ANKS1B: variants seen among roughly 807,000 people sequenced by gnomAD.
ANKS1B encodes ankyrin repeat and sterile alpha motif domain-containing protein 1B.
In ANKS1B, 36 loss-of-function variants were observed where a neutral mutation model predicts 148.3. The observed-to-expected ratio is 0.24, with a 90% CI of 0.19 to 0.32. ANKS1B has a LOEUF of 0.32. Ranked by LOEUF, ANKS1B falls within the 10% of genes least tolerant of loss-of-function variation. The pLI, the probability that ANKS1B is intolerant of heterozygous loss-of-function variation, is 1.00. For synonymous variants in ANKS1B, 542 were observed against 560.8 expected, an observed-to-expected ratio of 0.97 and a Z score of 0.47; for missense variants, 1,157 against 1,542.6, an observed-to-expected ratio of 0.75 and a Z score of 4.19.
At position 99,580,356 on chromosome 12, in the gene ANKS1B, GA is replaced by G. The variant is rs998789789; in HGVS notation, c.1272+74710del. On this transcript the variant is annotated intron_variant, in intron 9 of 26. Coordinates refer to ENST00000683438, the MANE Select transcript of ANKS1B (RefSeq NM_001352186.2). ...ACCCCTGAACCTAAAAGTTGAAAGA[GA>G]AAAAAAATTAAAAATTAAAATTAAT... Among the ~76,000 whole-genome samples, 297 of 151,264 alleles carry G rather than the reference GA, an allele frequency of 2.0e-3. 1 individual carries two copies. Among genetic ancestry groups the G allele is most frequent in the African/African-American group, 7.0e-3 (288 of 41,232 alleles).
At chr12:99,960,177 G>T (rs1029187993) in intron 1 of ANKS1B, among the ~76,000 whole-genome samples, 7 of 152,310 alleles carry the variant, frequency 4.6e-5, no homozygotes, top group Admixed American at 1.3e-4. Flanking sequence ...TTTCAAAGAC[G>T]TAGATTAAAA....
intron 2 of ANKS1B, among the ~76,000 whole-genome samples, chr12:99,822,793 G>C (rs2082673682): frequency 6.6e-6 from 1 of 151,990 alleles, no homozygotes; most frequent in Non-Finnish European, 1.5e-5. Flanking sequence ...ACTTTCTTTT[G>C]GATTTATACC....
intron 9 of ANKS1B, among the ~76,000 whole-genome samples, chr12:99,556,159 G>A (rs950536724): frequency 4.6e-5 from 7 of 152,144 alleles, no homozygotes; most frequent in African/African-American, 1.7e-4. Context: ...TCAATCTTGG[G>A]AAGTTGCATG....
At chr12:99,237,661 A>G (rs921687456) in intron 14 of ANKS1B, among the ~76,000 whole-genome samples, 1 of 152,256 alleles carries the variant, frequency 6.6e-6, no homozygotes, top group Non-Finnish European at 1.5e-5. Flanking sequence ...CACTTTGGTC[A>G]GGTGAATGTT....
intron 1 of ANKS1B, among the ~76,000 whole-genome samples, chr12:99,865,199 T>A (rs2090566539): frequency 6.6e-6 from 1 of 152,224 alleles, no homozygotes; most frequent in Admixed American, 6.5e-5. Context: ...AACTGAAATA[T>A]GTTTTCCACT....
intron 14 of ANKS1B, among the ~76,000 whole-genome samples, chr12:99,159,501 A>C (rs982679622): frequency 2.0e-5 from 3 of 152,148 alleles, no homozygotes; most frequent in Non-Finnish European, 4.4e-5. Context: ...TTCCTGCATT[A>C]ATTTCCTTAG....
chr12:99,540,722 C>T (rs1255959207), intron 9 of ANKS1B, among the ~76,000 whole-genome samples: 1 of 151,460 alleles, frequency 6.6e-6, no homozygotes, highest in African/African-American at 2.4e-5. Flanking sequence ...TCAATTATAA[C>T]CTTTAGTATT....
chr12:99,198,987 G>A (rs187460847), intron 14 of ANKS1B, among the ~76,000 whole-genome samples: 11 of 152,218 alleles, frequency 7.2e-5, no homozygotes, highest in Admixed American at 3.9e-4. Context: ...GAGGACACTC[G>A]AGCGGTCCTG....
chr12:98,885,848 T>A (rs1471968382), intron 17 of ANKS1B, among the ~76,000 whole-genome samples: 3 of 152,040 alleles, frequency 2.0e-5, no homozygotes, highest in African/African-American at 7.3e-5. Flanking sequence ...ATCCAAGCAA[T>A]AAAACATAGC....
chr12:99,046,405 A>C (rs2099962351), intron 17 of ANKS1B, among the ~76,000 whole-genome samples: 1 of 152,230 alleles, frequency 6.6e-6, no homozygotes, highest in Non-Finnish European at 1.5e-5. Flanking sequence ...AGGTGTTACA[A>C]TTAGAAGACA....
intron 1 of ANKS1B, among the ~76,000 whole-genome samples, chr12:99,863,832 G>A (rs936907834): frequency 2.0e-5 from 3 of 152,272 alleles, no homozygotes; most frequent in African/African-American, 7.2e-5. Flanking sequence ...AGCACTTTGG[G>A]ATGCCGAGGC....
chr12:99,007,266 G>C (rs1180416853), intron 17 of ANKS1B, among the ~76,000 whole-genome samples: 1 of 152,210 alleles, frequency 6.6e-6, no homozygotes, highest in Non-Finnish European at 1.5e-5. Flanking sequence ...CACAGAACTT[G>C]AGAAACTATA....
chr12:99,938,117 C>T (rs2153813847), intron 1 of ANKS1B, among the ~76,000 whole-genome samples: 1 of 152,264 alleles, frequency 6.6e-6, no homozygotes, highest in South Asian at 2.1e-4. Flanking sequence ...GATACATGTA[C>T]ATGACTATGT....
At chr12:99,864,668 T>C (rs964979202) in intron 1 of ANKS1B, among the ~76,000 whole-genome samples, 1 of 152,196 alleles carries the variant, frequency 6.6e-6, no homozygotes, top group African/African-American at 2.4e-5. Flanking sequence ...GCTGTCTGAT[T>C]TGGGGCAAGC....
chr12:99,617,326 T>G (rs1398132447), intron 9 of ANKS1B, among the ~76,000 whole-genome samples: 3 of 152,008 alleles, frequency 2.0e-5, no homozygotes, highest in African/African-American at 4.8e-5. Context: ...CATTCCACTA[T>G]GACGACACAC....
At chr12:99,933,546 T>G (rs1212447049) in intron 1 of ANKS1B, among the ~76,000 whole-genome samples, 2 of 152,128 alleles carry the variant, frequency 1.3e-5, no homozygotes, top group Non-Finnish European at 2.9e-5. Context: ...TTAAGACTGT[T>G]CACCCTGGCA....
At chr12:99,269,255 T>A (rs1392118853) in intron 12 of ANKS1B, among the ~76,000 whole-genome samples, 1 of 152,242 alleles carries the variant, frequency 6.6e-6, no homozygotes, top group Non-Finnish European at 1.5e-5. Context: ...TACATTTTTT[T>A]ATTTTCCTGT....
chr12:99,344,869 T>C, intron 12 of ANKS1B: 1 of 152,190 alleles, frequency 6.6e-6, no homozygotes, highest in Middle Eastern at 3.4e-3. Context: ...AATTTTGTTG[T>C]CAATTTCATA....
At chr12:99,870,172 C>T (rs527880990) in intron 1 of ANKS1B, among the ~76,000 whole-genome samples, 7 of 152,162 alleles carry the variant, frequency 4.6e-5, no homozygotes, top group Admixed American at 6.5e-5. Flanking sequence ...TAGCTCCCAC[C>T]TATAAGTGAG....
Sources: gnomAD v4.1 joint callset for allele counts (sites outside exome capture counted in the v4.1 genomes callset) on GRCh38, gnomAD v4.1.1 for gene constraint, MANE v1.5 for transcripts, NCBI Gene and HGNC (gene_info 2026-07-23, HGNC 2026-07-21) for gene names.